CBFB: variants seen among roughly 807,000 people sequenced by gnomAD.
The protein encoded by CBFB is CBF-beta.
In CBFB, 9 loss-of-function variants were observed where a neutral mutation model predicts 30.4. The observed-to-expected ratio is 0.30, with a 90% CI of 0.18 to 0.52. The LOEUF (loss-of-function observed/expected upper bound fraction) is 0.52, where lower values mean the gene tolerates loss of function less well. CBFB is among the 20% of genes least tolerant of loss of function. The pLI, the probability that CBFB is intolerant of heterozygous loss-of-function variation, is 0.97. For synonymous variants in CBFB, 94 were observed against 84.0 expected (o/e 1.12, Z -0.65); for missense variants, 170 against 244.0 (o/e 0.70, Z 2.02).
chr16:67,090,831 G>T (rs1961860212), intron 5 of CBFB, among the ~76,000 whole-genome samples: 1 of 152,096 alleles, frequency 6.6e-6, no homozygotes, highest in Non-Finnish European at 1.5e-5. Context: ...AATTTTATGT[G>T]GAAACTATTT....
chr16:67,082,400 A>G, intron 5 of CBFB, 92 bp downstream of exon 5: 1 of 1,446,890 alleles, frequency 6.9e-7, no homozygotes, highest in African/African-American at 1.4e-5. Context: ...AATGCTTTTT[A>G]ATAGTTTAAT....
At chr16:67,096,121 C>T (rs1224015355) in intron 5 of CBFB, among the ~76,000 whole-genome samples, 1 of 151,714 alleles carries the variant, frequency 6.6e-6, no homozygotes, top group Non-Finnish European at 1.5e-5. Context: ...ACCAGCCTGG[C>T]CAACATGGCA....
intron 3 of CBFB, among the ~76,000 whole-genome samples, chr16:67,054,781 C>T (rs532645290): frequency 3.0e-4 from 46 of 152,278 alleles, no homozygotes; most frequent in African/African-American, 1.1e-3. Flanking sequence ...GAGACGGAGT[C>T]TCGCTCTGTC....
At chr16:67,080,115 C>T (rs1251574483) in intron 4 of CBFB, among the ~76,000 whole-genome samples, 1 of 152,092 alleles carries the variant, frequency 6.6e-6, no homozygotes, top group Non-Finnish European at 1.5e-5. Context: ...ATAATAAATT[C>T]TAGTATTCAG....
chr16:67,076,594 C>G (rs1178175302), intron 4 of CBFB, among the ~76,000 whole-genome samples: 1 of 152,066 alleles, frequency 6.6e-6, no homozygotes, highest in Non-Finnish European at 1.5e-5. Context: ...ATAGTGGTCA[C>G]CTCTAGGAAC....
chr16:67,054,528 A>G (rs1462603567), intron 3 of CBFB, among the ~76,000 whole-genome samples: 1 of 152,084 alleles, frequency 6.6e-6, no homozygotes. Context: ...TGTCCTTCGT[A>G]AGGAAATTTT....
At chr16:67,039,449 G>A (rs895099550) in intron 3 of CBFB, among the ~76,000 whole-genome samples, 3 of 152,272 alleles carry the variant, frequency 2.0e-5, no homozygotes, top group Admixed American at 6.5e-5. Context: ...TATAAACATA[G>A]TATGCTTAGG....
At chr16:67,045,795 C>CTT (rs1164883506) in intron 3 of CBFB, among the ~76,000 whole-genome samples, 6 of 144,234 alleles carry the variant, frequency 4.2e-5, no homozygotes, top group African/African-American at 1.6e-4. Context: ...CTACTTTCTA[C>CTT]ATTTTTTTTT....
intron 1 of CBFB, 116 bp from the exon 2 acceptor site, chr16:67,029,611 C>A: frequency 7.6e-7 from 1 of 1,312,374 alleles, no homozygotes; most frequent in Non-Finnish European, 1.0e-6. Flanking sequence ...GCAATCTCGC[C>A]GGGGCGGCCA....
At chr16:67,094,897 A>T (rs531000195) in intron 5 of CBFB, among the ~76,000 whole-genome samples, 1 of 152,178 alleles carries the variant, frequency 6.6e-6, no homozygotes, top group African/African-American at 2.4e-5. Flanking sequence ...AAAGCAGTTA[A>T]AACATGCTAG....
intron 5 of CBFB, among the ~76,000 whole-genome samples, chr16:67,085,070 T>C (rs1324344254): frequency 6.6e-6 from 1 of 152,138 alleles, no homozygotes; most frequent in Non-Finnish European, 1.5e-5. Flanking sequence ...AAATTTCTAG[T>C]TGTGTTAAAA....
intron 5 of CBFB, among the ~76,000 whole-genome samples, chr16:67,096,921 G>GT (rs1400694905): frequency 7.4e-6 from 1 of 134,596 alleles, no homozygotes; most frequent in African/African-American, 2.8e-5. Flanking sequence ...CAGCGACTCC[G>GT]TCTCAAAAAA....
intron 2 of CBFB, among the ~76,000 whole-genome samples, chr16:67,033,159 G>GCCA (rs1966381761): frequency 6.6e-6 from 1 of 152,106 alleles, no homozygotes; most frequent in South Asian, 2.1e-4. Context: ...ACAGGCGTGA[G>GCCA]CCACCACTCC....
chr16:67,047,357 A>G (rs570824822), intron 3 of CBFB, among the ~76,000 whole-genome samples: 242 of 152,280 alleles, frequency 1.6e-3, no homozygotes, highest in African/African-American at 5.6e-3. Context: ...CTAAGAGGGA[A>G]AGGGCTGAGT....
chr16:67,031,460 G>T (rs969930503), intron 2 of CBFB, among the ~76,000 whole-genome samples: 2 of 152,328 alleles, frequency 1.3e-5, no homozygotes, highest in Admixed American at 6.5e-5. Flanking sequence ...TTTCCTGGAG[G>T]TAAAGGATGC....
Position 67,099,943 on chromosome 16 carries a change from T to C in CBFB, c.*1165T>C, listed in dbSNP as rs1597168781. ...TGTGCAGAGGATGCATTTTCTTCCATTAATTCTGGAAAAAACGTTCACAGT... is the reference window on the plus strand; with the variant it reads ...TGTGCAGAGGATGCATTTTCTTCCACTAATTCTGGAAAAAACGTTCACAGT... On this transcript the variant is annotated 3_prime_UTR_variant, in exon 6 of 6. Coordinates refer to ENST00000412916, the MANE Select transcript of CBFB (RefSeq NM_022845.3). The C allele has an allele frequency of 4.8e-6, 1 of 209,598 alleles. No homozygotes were observed. Among genetic ancestry groups the C allele is most frequent in the East Asian group, 7.3e-5 (1 of 13,728 alleles). 13.0% of individuals were successfully genotyped at this position (209,598 alleles called of 1,614,324 possible).
At chr16:67,072,713 G>A (rs1272282662) in intron 4 of CBFB, among the ~76,000 whole-genome samples, 2 of 151,662 alleles carry the variant, frequency 1.3e-5, no homozygotes, top group African/African-American at 2.4e-5. Context: ...TGATCTGCCC[G>A]CCTCAGCCTC....
At chr16:67,083,378 C>T (rs933349340) in intron 5 of CBFB, among the ~76,000 whole-genome samples, 2 of 151,758 alleles carry the variant, frequency 1.3e-5, no homozygotes, top group African/African-American at 4.8e-5. Flanking sequence ...TCACTGCAGC[C>T]TCTGCCTCCC....
intron 5 of CBFB, among the ~76,000 whole-genome samples, chr16:67,093,101 A>G (rs1961944217): frequency 6.6e-6 from 1 of 152,058 alleles, no homozygotes; most frequent in South Asian, 2.1e-4. Flanking sequence ...ACGTGCTACC[A>G]TGCCCAACTA....
Sources: gnomAD v4.1 joint callset for allele counts (sites outside exome capture counted in the v4.1 genomes callset) on GRCh38, gnomAD v4.1.1 for gene constraint, MANE v1.5 for transcripts, NCBI Gene and HGNC (gene_info 2026-07-23, HGNC 2026-07-21) for gene names.